WNT2B: variants seen among roughly 807,000 people sequenced by gnomAD.
The protein encoded by WNT2B is Wnt family member 2B.
A neutral mutation model predicts 40.5 loss-of-function variants in WNT2B; 19 were observed. That is an observed-to-expected ratio of 0.47 (90% CI 0.33 to 0.69). The LOEUF (loss-of-function observed/expected upper bound fraction) is 0.69. Among genes scored for constraint, WNT2B ranks in the 30% least tolerant of loss-of-function variants. The pLI, the probability that WNT2B is intolerant of heterozygous loss-of-function variation, is 0.02. For synonymous variants in WNT2B, 220 were observed against 211.9 expected, an observed-to-expected ratio of 1.04 and a Z score of -0.33; for missense variants, 467 against 556.4, an observed-to-expected ratio of 0.84 and a Z score of 1.62.
chr1:112,520,196 T>C, intron 4 of WNT2B, 84 bp from the exon 5 acceptor site: 1 of 1,371,168 alleles, frequency 7.3e-7, no homozygotes, highest in South Asian at 1.3e-5. Context: ...ATTCTTTTTA[T>C]CTTCCTTCTG....
chr1:112,474,331 G>C (rs1650990231), intron 1 of WNT2B, among the ~76,000 whole-genome samples: 1 of 151,526 alleles, frequency 6.6e-6, no homozygotes, highest in Admixed American at 6.6e-5. Flanking sequence ...TGTATTTTTA[G>C]TGGAGACGGG....
intron 1 of WNT2B, among the ~76,000 whole-genome samples, chr1:112,480,906 C>T (rs1409132712): frequency 1.3e-5 from 2 of 152,138 alleles, no homozygotes; most frequent in South Asian, 2.1e-4. Flanking sequence ...TGGTGGCTCA[C>T]ACCTGTAATC....
chr1:112,494,656 AAATTATCC>A (rs1651711263), intron 1 of WNT2B, among the ~76,000 whole-genome samples: 1 of 151,654 alleles, frequency 6.6e-6, no homozygotes, highest in South Asian at 2.1e-4. Flanking sequence ...GAACCATGTG[AAATTATCC>A]TTTAAAAATG....
intron 1 of WNT2B, among the ~76,000 whole-genome samples, chr1:112,512,775 T>A (rs932064121): frequency 2.0e-5 from 3 of 152,196 alleles, no homozygotes; most frequent in African/African-American, 7.2e-5. Context: ...GTGGTTAGCC[T>A]CAGGCTCAGC....
rs1017252645 is a variant in WNT2B, at chr1:112,509,670, G to A, written c.182+226G>A. On this transcript the variant is annotated intron_variant, in intron 1 of 4. Coordinates refer to ENST00000369684, the MANE Select transcript of WNT2B (RefSeq NM_024494.3). The surrounding 1 kb of genome is among the most constrained non-coding windows in gnomAD (Gnocchi z 4.2). ...CTGGGCATTCGGAGCAAGGATGCCC[G>A]GTGGTCGCGGCTCCTTAGGCCTCCA... is the stretch of plus-strand genomic sequence containing the variant. Among the ~76,000 whole-genome samples the A allele has an allele frequency of 1.3e-5, 2 of 152,338 alleles. No homozygotes were observed. Among genetic ancestry groups the A allele is most frequent in the African/African-American group, 2.4e-5 (1 of 41,578 alleles).
At chr1:112,481,835 C>T (rs1651232719) in intron 1 of WNT2B, among the ~76,000 whole-genome samples, 1 of 151,544 alleles carries the variant, frequency 6.6e-6, no homozygotes, top group African/African-American at 2.4e-5. Flanking sequence ...CATAAGGAGA[C>T]CCCCATATCT....
At chr1:112,520,185 G>C in intron 4 of WNT2B, 95 bp from the exon 5 acceptor site, 1 of 1,298,578 alleles carries the variant, frequency 7.7e-7, no homozygotes, top group Non-Finnish European at 1.1e-6. Flanking sequence ...CCAAAAAAGC[G>C]ATTCTTTTTA....
rs1403867932 is a variant in WNT2B, at chr1:112,528,190, C to CT, written c.*7682dup. 6.6e-6 allele frequency: 1 copy of CT among 152,054 alleles called. No individual in the cohort carries two copies. Among genetic ancestry groups the CT allele is most frequent in the Non-Finnish European group, 1.5e-5 (1 of 68,012 alleles). 9.4% of individuals were successfully genotyped at this position (152,054 alleles called of 1,614,324 possible). A position where few individuals can be genotyped will look rare whatever the true frequency, so the allele number is the denominator to read the frequency against. On this transcript the variant is annotated 3_prime_UTR_variant, in exon 5 of 5. Coordinates refer to ENST00000369684, the MANE Select transcript of WNT2B (RefSeq NM_024494.3). ...TAGCTTTATGTGTTTTATGAACTGACTGAGGGCAGTCAGAAGAAGGCATTC... is the reference window on the plus strand; with the variant it reads ...TAGCTTTATGTGTTTTATGAACTGACTTGAGGGCAGTCAGAAGAAGGCATTC...
chr1:112,492,470 G>C (rs950384971), intron 1 of WNT2B, among the ~76,000 whole-genome samples: 11 of 152,198 alleles, frequency 7.2e-5, no homozygotes, highest in African/African-American at 2.7e-4. Flanking sequence ...AACTCCAGGG[G>C]AAGCCAGTCA....
chr1:112,519,773 G>A (rs530883909), intron 4 of WNT2B, among the ~76,000 whole-genome samples: 2 of 151,864 alleles, frequency 1.3e-5, no homozygotes, highest in Admixed American at 6.6e-5. Context: ...ATTTTCATAT[G>A]AGAAACTAAG....
intron 1 of WNT2B, among the ~76,000 whole-genome samples, chr1:112,470,353 C>T (rs538811285): frequency 1.3e-5 from 2 of 152,230 alleles, no homozygotes; most frequent in African/African-American, 4.8e-5. Flanking sequence ...CTTTGGGAGG[C>T]TGAGGCGGGT....
intron 1 of WNT2B, among the ~76,000 whole-genome samples, chr1:112,484,280 TATATATATATAC>T (rs1651340511): frequency 7.7e-6 from 1 of 129,690 alleles, no homozygotes; most frequent in African/African-American, 3.1e-5. Flanking sequence ...CACATATATA[TATATATATATAC>T]ACACACATAT....
rs141240462 is a variant in WNT2B, at chr1:112,510,146, C to A, written c.182+702C>A. Among the ~76,000 whole-genome samples the A allele has an allele frequency of 9.0e-3, 1,372 of 152,172 alleles. 20 individuals are homozygous for A. The highest frequency in any genetic ancestry group is 0.031 in the African/African-American group (1,268 of 41,500). On this transcript the variant is annotated intron_variant, in intron 1 of 4. Transcript: ENST00000369684. The stretch of plus-strand genomic sequence containing the variant: ...GCGGAGTCCCAAGATACTAAGAGAC[C>A]CCCTCCCCAGATTTCTTGCAGGCCC...
At chr1:112,518,050 T>C (rs1251998214) in intron 4 of WNT2B, 3 of 152,204 alleles carry the variant, frequency 2.0e-5, no homozygotes, top group African/African-American at 7.2e-5. Context: ...CTTTATCCAG[T>C]GTGCTGCCAT....
intron 1 of WNT2B, among the ~76,000 whole-genome samples, chr1:112,471,971 T>G (rs544447542): frequency 3.3e-5 from 5 of 152,252 alleles, no homozygotes; most frequent in Admixed American, 3.3e-4. Context: ...GAGTATGAAG[T>G]CAAAAGATAG....
chr1:112,509,322 C>T lies in WNT2B; in HGVS notation c.60C>T (p.Ala20=), dbSNP rs1652254775. ...AAQLPLRRAS[A]PVPVPSPAAP... ...AGCTCCCGCTTCGGCGCGCCAGCGC[C>T]CCGGTCCCTGTGCCGTCGCCCGCGG... The change falls in exon 1 of 5, where the codon GCC becomes GCT. Residue 20 remains alanine, a synonymous_variant. Transcript: ENST00000369684. The surrounding 1 kb of genome is among the most constrained non-coding windows in gnomAD (Gnocchi z 4.2). The T allele has an allele frequency of 1.3e-6, 2 of 1,580,638 alleles. No individual in the cohort carries two copies. The highest frequency in any genetic ancestry group is 1.4e-5 in the African/African-American group (1 of 73,206).
upstream of WNT2B, among the ~76,000 whole-genome samples, chr1:112,504,675 A>G (rs1297723677): frequency 6.6e-6 from 1 of 152,110 alleles, no homozygotes; most frequent in Non-Finnish European, 1.5e-5. Flanking sequence ...CCCTATTTCA[A>G]ATAAGACCTG....
At chr1:112,480,175 T>G (rs1336656787) in intron 1 of WNT2B, among the ~76,000 whole-genome samples, 1 of 152,014 alleles carries the variant, frequency 6.6e-6, no homozygotes, top group Non-Finnish European at 1.5e-5. Flanking sequence ...AAGACCAGCC[T>G]TGCCAACATG....
chr1:112,479,153 A>G (rs1398443725), intron 1 of WNT2B, among the ~76,000 whole-genome samples: 1 of 151,926 alleles, frequency 6.6e-6, no homozygotes, highest in African/African-American at 2.4e-5. Flanking sequence ...CCAAGGAGGT[A>G]GAGGTTGCAG....
Sources: gnomAD v4.1 joint callset for allele counts (sites outside exome capture counted in the v4.1 genomes callset) on GRCh38, gnomAD v4.1.1 for gene constraint, Gnocchi (gnomAD v3.1) non-coding constraint, MANE v1.5 for transcripts, NCBI Gene and HGNC (gene_info 2026-07-23, HGNC 2026-07-21) for gene names.